ATP8B4: variants seen among roughly 807,000 people sequenced by gnomAD.
The protein encoded by ATP8B4 is ATPase phospholipid transporting 8B4 (putative).
In ATP8B4, 133 loss-of-function variants were observed where a neutral mutation model predicts 145.6. The observed-to-expected ratio is 0.91, with a 90% CI of 0.79 to 1.05. The LOEUF is 1.05. Among genes scored for constraint, ATP8B4 ranks in the 50% least tolerant of loss-of-function variants. ATP8B4 has a pLI of 0.00. For missense variants in ATP8B4, 1,458 were observed against 1,425.2 expected (o/e 1.02, Z -0.37); for synonymous variants, 507 against 492.9 (o/e 1.03, Z -0.38).
chr15:50,050,440 G>T (rs2052087854), intron 3 of ATP8B4, among the ~76,000 whole-genome samples: 1 of 151,784 alleles, frequency 6.6e-6, no homozygotes, highest in African/African-American at 2.4e-5. Flanking sequence ...ATTTATAGTT[G>T]GTTTTTAAAA....
At chr15:49,891,418 C>A (rs1332455467) in intron 23 of ATP8B4, among the ~76,000 whole-genome samples, 2 of 152,054 alleles carry the variant, frequency 1.3e-5, no homozygotes, top group African/African-American at 4.8e-5. Context: ...CTCCACCTCC[C>A]AGGTTCAAGC....
intron 23 of ATP8B4, among the ~76,000 whole-genome samples, chr15:49,892,729 A>C (rs2036966135): frequency 2.0e-5 from 3 of 152,214 alleles, no homozygotes; most frequent in South Asian, 4.1e-4. Context: ...AATAATACCA[A>C]ATCTCATTGA....
intron 2 of ATP8B4, among the ~76,000 whole-genome samples, chr15:50,105,196 C>T (rs1013965151): frequency 6.9e-6 from 1 of 145,644 alleles, no homozygotes; most frequent in African/African-American, 2.6e-5. Flanking sequence ...GAAATCACCA[C>T]TAAAGAACTT....
intron 13 of ATP8B4, among the ~76,000 whole-genome samples, chr15:49,962,800 G>A (rs941614092): frequency 5.3e-5 from 8 of 151,924 alleles, no homozygotes; most frequent in Non-Finnish European, 7.4e-5. Flanking sequence ...ATTTTGAATC[G>A]TTGTATAGTA....
intron 1 of ATP8B4, among the ~76,000 whole-genome samples, chr15:50,112,714 G>A (rs1044378264): frequency 1.3e-5 from 2 of 152,046 alleles, no homozygotes; most frequent in Non-Finnish European, 2.9e-5. Context: ...CTTCCTCCAA[G>A]CTGTGTGAGG....
intron 17 of ATP8B4, chr15:49,922,524 TTTTA>T (rs2040355435): frequency 3.0e-6 from 1 of 329,860 alleles, no homozygotes; most frequent in Non-Finnish European, 5.9e-6. Context: ...AGAGGATTTT[TTTTA>T]TTTGTTTATT....
chr15:49,906,016 G>A (rs1466847867), intron 20 of ATP8B4, among the ~76,000 whole-genome samples: 3 of 151,920 alleles, frequency 2.0e-5, no homozygotes, highest in East Asian at 1.9e-4. Flanking sequence ...ATCACATTAC[G>A]CATGATGTTT....
intron 1 of ATP8B4, among the ~76,000 whole-genome samples, chr15:50,177,693 A>G (rs1342443355): frequency 6.6e-6 from 1 of 152,216 alleles, no homozygotes; most frequent in Non-Finnish European, 1.5e-5. Flanking sequence ...AATGGACTAA[A>G]TCAGTAGTTC....
At position 49,979,945 on chromosome 15, in the gene ATP8B4, T is replaced by TAATC. The variant is rs994034206; in HGVS notation, c.838-136_838-133dup. 1.1e-5 allele frequency: 6 copies of TAATC among 556,800 alleles called. No homozygotes were observed. The Admixed American group carries it at 2.0e-4, about 18-fold the overall frequency. 34.5% of individuals were successfully genotyped at this position (556,800 alleles called of 1,614,324 possible). On this transcript the variant is annotated intron_variant, in intron 11 of 27. Coordinates refer to ENST00000284509, the MANE Select transcript of ATP8B4 (RefSeq NM_024837.4). ...AAGTATGCAAACCTCTTCTTACCAT[T>TAATC]AATCATATGAATTACGTCAGGAACT...
At chr15:49,890,394 A>T (rs2079873199) in intron 23 of ATP8B4, among the ~76,000 whole-genome samples, 1 of 152,178 alleles carries the variant, frequency 6.6e-6, no homozygotes, top group South Asian at 2.1e-4. Flanking sequence ...TGGAGCTTTC[A>T]ATCCTGTTAA....
At chr15:49,862,479 A>C in intron 26 of ATP8B4, 104 bp from the exon 27 acceptor site, 1 of 1,296,044 alleles carries the variant, frequency 7.7e-7, no homozygotes, top group Non-Finnish European at 1.0e-6. Context: ...TTTGAGATGG[A>C]GTCTTGCTCT....
intron 18 of ATP8B4, 32 bp downstream of exon 18, chr15:49,920,214 A>C: frequency 6.2e-7 from 1 of 1,608,092 alleles, no homozygotes; most frequent in Non-Finnish European, 8.5e-7. Context: ...TCTTTCCTGT[A>C]AACACAAACC....
chr15:49,927,724 C>T (rs1352686998), intron 16 of ATP8B4, among the ~76,000 whole-genome samples: 1 of 151,966 alleles, frequency 6.6e-6, no homozygotes, highest in Non-Finnish European at 1.5e-5. Context: ...AAAAAGAAAC[C>T]AACTCTGGGC....
At chr15:50,065,285 G>A (rs2053303180) in intron 3 of ATP8B4, among the ~76,000 whole-genome samples, 1 of 152,076 alleles carries the variant, frequency 6.6e-6, no homozygotes, top group Non-Finnish European at 1.5e-5. Context: ...ACAGTAATCT[G>A]GTACTAGTTT....
Position 49,901,238 on chromosome 15 carries a change from T to C in ATP8B4, c.2143A>G (p.Lys715Glu). The C allele has an allele frequency of 6.2e-7, 1 of 1,612,930 alleles. No individual in the cohort carries two copies. Among genetic ancestry groups the C allele is most frequent in the South Asian group, 1.1e-5 (1 of 91,002 alleles). Residue 715 changes from lysine (K) to glutamate (E), a missense_variant and splice_region_variant, in exon 21 of 28, where the codon AAA becomes GAA. Transcript: ENST00000284509. ...NAVEVREELR[K>E]AKQNLFGQNR... is the part of the protein sequence containing the mutation. ...TGTCCAAACAAATTTTGTTTTGCTT[T>C]CCTTAAAGGAGAGGGTGAAAAGTGA... is the stretch of plus-strand genomic sequence containing the variant.
intron 14 of ATP8B4, among the ~76,000 whole-genome samples, chr15:49,950,962 T>C (rs1242542553): frequency 6.6e-6 from 1 of 152,032 alleles, no homozygotes; most frequent in Non-Finnish European, 1.5e-5. Flanking sequence ...TACCCAGGAG[T>C]CATTCAGAAG....
intron 9 of ATP8B4, among the ~76,000 whole-genome samples, chr15:49,988,108 C>A (rs1042702050): frequency 2.0e-5 from 3 of 152,184 alleles, no homozygotes; most frequent in Non-Finnish European, 2.9e-5. Flanking sequence ...CTGTTCTATG[C>A]TTCTTATCTT....
At position 50,151,743 on chromosome 15, in the gene ATP8B4, A is replaced by C. The variant is rs1181616931; in HGVS notation, c.-43+30518T>G. Reference sequence around the variant, plus strand: ...GAGACAGAGTGAGAACCTGTCTCAAAAAAAAAAAAAAAAAAAAAAAGAGAG... The same window carrying C: ...GAGACAGAGTGAGAACCTGTCTCAACAAAAAAAAAAAAAAAAAAAAGAGAG... On this transcript the variant is annotated intron_variant, in intron 1 of 3. Coordinates refer to the ATP8B4 transcript ENST00000558829. Among the ~76,000 whole-genome samples, 125 of 14,048 alleles carry C rather than the reference A, an allele frequency of 8.9e-3. 1 individual carries two copies. The East Asian group carries it at 0.34, about 38-fold the overall frequency. The allele number at this position is 14,048 out of a possible 152,430, so 9.2% of individuals were successfully genotyped here.
At chr15:49,939,968 C>A (rs982776788) in intron 14 of ATP8B4, among the ~76,000 whole-genome samples, 2 of 152,128 alleles carry the variant, frequency 1.3e-5, no homozygotes. Context: ...ATTAGTTCAG[C>A]CACTGTGGAA....
Sources: gnomAD v4.1 joint callset for allele counts (sites outside exome capture counted in the v4.1 genomes callset) on GRCh38, gnomAD v4.1.1 for gene constraint, MANE v1.5 for transcripts, NCBI Gene and HGNC (gene_info 2026-07-23, HGNC 2026-07-21) for gene names.